Variants in FRY observed in about 807,000 individuals in gnomAD.
The protein encoded by FRY is protein furry homolog.
A neutral mutation model predicts 348.4 loss-of-function variants in FRY; 128 were observed. The observed-to-expected ratio is 0.37, with a 90% CI of 0.32 to 0.43. The LOEUF (loss-of-function observed/expected upper bound fraction) is 0.43. Among genes scored for constraint, FRY ranks in the 20% least tolerant of loss-of-function variants. FRY has a pLI of 1.00. For missense variants in FRY, 2,736 were observed against 3,695.2 expected (o/e 0.74, Z 6.73); for synonymous variants, 1,370 against 1,374.7 (o/e 1.00, Z 0.08).
Position 32,239,297 on chromosome 13 carries a change from A to C in FRY, c.6464A>C (p.His2155Pro). Residue 2155 changes from histidine (H) to proline (P), a missense_variant, in exon 45 of 61, where the codon CAT (histidine) becomes CCT (proline). Transcript: ENST00000542859. The surrounding 1 kb of genome is among the most constrained non-coding windows in gnomAD (Gnocchi z 4.3). ...TGTCTCCTGCCTCAGCTGATTCAGC[A>C]TTTTGAAAATCCCAATCAGTTCTGT... ...VLCLLPQLIQ[H>P]FENPNQFCKD... is the part of the protein sequence containing the mutation. The C allele has an allele frequency of 3.1e-6, 5 of 1,612,576 alleles. No individual in the cohort carries two copies. Among genetic ancestry groups the C allele is most frequent in the Non-Finnish European group, 4.2e-6 (5 of 1,178,570 alleles).
In FRY at chr13:32,239,123, C is replaced by A. The variant is rs1886372720; in HGVS notation, c.6419-129C>A. On this transcript the variant is annotated intron_variant, in intron 44 of 60. Coordinates refer to ENST00000542859, the MANE Select transcript of FRY (RefSeq NM_023037.3). The surrounding 1 kb of genome is among the most constrained non-coding windows in gnomAD (Gnocchi z 4.3). Reference sequence around the variant, plus strand: ...ATTTTTCATAGATTTTGTGTTAGATCATGTTTAAGCTGATTCAAAAAACTG... The same window carrying A: ...ATTTTTCATAGATTTTGTGTTAGATAATGTTTAAGCTGATTCAAAAAACTG... 2 of 712,296 alleles carry A rather than the reference C, an allele frequency of 2.8e-6. No individual in the cohort carries two copies. The highest frequency in any genetic ancestry group is 5.2e-6 in the Non-Finnish European group (2 of 388,260). The allele number at this position is 712,296 out of a possible 1,614,324, so 44.1% of individuals were successfully genotyped here. A position where few individuals can be genotyped will look rare whatever the true frequency, so the allele number is the denominator to read the frequency against.
At chr13:32,097,704 C>G (rs911096251) in intron 2 of FRY, among the ~76,000 whole-genome samples, 1 of 151,924 alleles carries the variant, frequency 6.6e-6, no homozygotes, top group African/African-American at 2.4e-5. Flanking sequence ...TATTAGCTCT[C>G]TGTCATTATG....
intron 54 of FRY, 110 bp from the exon 55 acceptor site, chr13:32,267,059 TG>T (rs1197026858): frequency 4.4e-6 from 4 of 918,776 alleles, no homozygotes; most frequent in Non-Finnish European, 3.6e-6. Flanking sequence ...AAAGGAAGAG[TG>T]GGTAGAATAG....
intron 1 of FRY, among the ~76,000 whole-genome samples, chr13:32,053,197 A>C (rs1873438415): frequency 6.6e-6 from 1 of 152,238 alleles, no homozygotes; most frequent in Non-Finnish European, 1.5e-5. Context: ...CTACTGTATT[A>C]GAACACAAAG....
chr13:32,283,024 C>G (rs1168525118), intron 58 of FRY, among the ~76,000 whole-genome samples: 2 of 151,828 alleles, frequency 1.3e-5, no homozygotes, highest in Non-Finnish European at 2.9e-5. Context: ...GCCTGTAATC[C>G]CAGCTGCTCA....
At chr13:32,161,049 GC>G in intron 16 of FRY, 94 bp from the exon 17 acceptor site, 1 of 827,876 alleles carries the variant, frequency 1.2e-6, no homozygotes, top group Non-Finnish European at 2.1e-6. Context: ...GACTCAGAAG[GC>G]ATGGATTCTA....
At chr13:32,096,857 A>AAACTTAGC (rs1159617902) in intron 2 of FRY, among the ~76,000 whole-genome samples, 2 of 151,506 alleles carry the variant, frequency 1.3e-5, no homozygotes, top group Admixed American at 1.3e-4. Context: ...TAGTTAAGGA[A>AAACTTAGC]AACTTAGCAA....
chr13:32,190,252 T>G (rs866243885), intron 28 of FRY, among the ~76,000 whole-genome samples: 3 of 152,064 alleles, frequency 2.0e-5, no homozygotes, highest in African/African-American at 4.8e-5. Context: ...AAGTGTTCTC[T>G]CTGAGATTAA....
At chr13:32,179,821 G>A (rs368184074) in intron 23 of FRY, 22 bp downstream of exon 23, 46 of 1,609,124 alleles carry the variant, frequency 2.9e-5, no homozygotes, top group African/African-American at 4.0e-5. Flanking sequence ...TTAATGAGTT[G>A]TTCTAAATTC....
chr13:32,098,981 C>G (rs1275971292), intron 2 of FRY, among the ~76,000 whole-genome samples: 1 of 151,822 alleles, frequency 6.6e-6, no homozygotes, highest in Non-Finnish European at 1.5e-5. Flanking sequence ...ATAAGACCAC[C>G]ATGTGCGTTT....
At chr13:32,223,513 C>T (rs1245006162) in intron 36 of FRY, among the ~76,000 whole-genome samples, 2 of 152,144 alleles carry the variant, frequency 1.3e-5, no homozygotes, top group Admixed American at 1.3e-4. Flanking sequence ...CAGGCACTCA[C>T]ACCTGTAATC....
In FRY at chr13:32,267,270, G is replaced by A; in HGVS notation, c.8047G>A (p.Ala2683Thr). The change falls in exon 55 of 61, where the codon GCC becomes ACC. Residue 2683 changes from alanine to threonine, a missense_variant. Coordinates refer to ENST00000542859, the MANE Select transcript of FRY (RefSeq NM_023037.3). ...QPAACDDAEE[A>T]WRSHINQLMC... The stretch of plus-strand genomic sequence containing the variant: ...CGCAGCCTGTGACGATGCCGAGGAG[G>A]CCTGGCGCAGCCACATCAACCAGCT... 1 of 1,614,184 alleles carries A rather than the reference G, an allele frequency of 6.2e-7. No homozygotes were observed. Among genetic ancestry groups the A allele is most frequent in the South Asian group, 1.1e-5 (1 of 91,086 alleles).
In FRY at chr13:32,228,444, T is replaced by C. The variant is rs1449146898; in HGVS notation, c.5207-12T>C. 2 of 1,608,544 alleles carry C rather than the reference T, an allele frequency of 1.2e-6. No homozygotes were observed. Among genetic ancestry groups the C allele is most frequent in the African/African-American group, 1.3e-5 (1 of 74,916 alleles). Reference sequence around the variant, plus strand: ...CCTAGTACATCCCTCCTTGACCTTCTTCTCCCACCAGGTGGCTTTGACTTC... The same window carrying C: ...CCTAGTACATCCCTCCTTGACCTTCCTCTCCCACCAGGTGGCTTTGACTTC... On this transcript the variant is annotated splice_polypyrimidine_tract_variant and intron_variant, in intron 39 of 60. Coordinates refer to ENST00000542859, the MANE Select transcript of FRY (RefSeq NM_023037.3).
intron 2 of FRY, among the ~76,000 whole-genome samples, chr13:32,099,331 T>TAC (rs939438905): frequency 1.3e-5 from 2 of 151,608 alleles, no homozygotes; most frequent in Admixed American, 6.6e-5. Context: ...TATATATATA[T>TAC]ACACACACAC....
At chr13:32,271,159 G>T (rs1290115571) in intron 55 of FRY, among the ~76,000 whole-genome samples, 1 of 152,188 alleles carries the variant, frequency 6.6e-6, no homozygotes, top group Admixed American at 6.5e-5. Context: ...AAAGAGAAAA[G>T]AGTTGTATGG....
At chr13:32,103,808 T>C (rs147015651) in intron 3 of FRY, among the ~76,000 whole-genome samples, 213 of 152,076 alleles carry the variant, frequency 1.4e-3, no homozygotes, top group African/African-American at 4.7e-3. Context: ...CTATCAAAAA[T>C]ACAAAAGAAT....
intron 20 of FRY, among the ~76,000 whole-genome samples, chr13:32,177,055 A>G (rs758902584): frequency 7.2e-5 from 11 of 152,090 alleles, no homozygotes; most frequent in Non-Finnish European, 1.3e-4. Context: ...TAACACTCTT[A>G]CCCATGGGAA....
intron 1 of FRY, among the ~76,000 whole-genome samples, chr13:32,076,169 C>T: frequency 6.6e-6 from 1 of 152,178 alleles, no homozygotes; most frequent in East Asian, 1.9e-4. Flanking sequence ...AATGTTTTCA[C>T]TGTAGTTAAG....
At chr13:32,122,902 C>T (rs992160429) in intron 4 of FRY, among the ~76,000 whole-genome samples, 3 of 151,978 alleles carry the variant, frequency 2.0e-5, no homozygotes, top group Non-Finnish European at 4.4e-5. Flanking sequence ...AACGACTAAG[C>T]GGAGAATCAA....
Sources: gnomAD v4.1 joint callset for allele counts (sites outside exome capture counted in the v4.1 genomes callset) on GRCh38, gnomAD v4.1.1 for gene constraint, Gnocchi (gnomAD v3.1) non-coding constraint, MANE v1.5 for transcripts, NCBI Gene and HGNC (gene_info 2026-07-23, HGNC 2026-07-21) for gene names.